The following SLC45A4 variants were observed in gnomAD, a reference collection of about 807,000 sequenced individuals.
SLC45A4 encodes solute carrier family 45 member 4.
Under a neutral mutation model 63.7 loss-of-function variants are expected in SLC45A4, and 32 were observed. That is an observed-to-expected ratio of 0.50 (90% CI 0.38 to 0.67). SLC45A4 has a LOEUF of 0.67. SLC45A4 is among the 30% of genes least tolerant of loss of function. The probability of loss-of-function intolerance (pLI) is 0.00; values close to 1 mark genes in which losing one functional copy is unlikely to be tolerated. For synonymous variants in SLC45A4, 535 were observed against 510.0 expected, an observed-to-expected ratio of 1.05 and a Z score of -0.66; for missense variants, 1,027 against 1,157.7, an observed-to-expected ratio of 0.89 and a Z score of 1.64.
At chr8:141,243,588 T>G (rs1828018238) in intron 2 of SLC45A4, among the ~76,000 whole-genome samples, 2 of 152,120 alleles carry the variant, frequency 1.3e-5, no homozygotes, top group African/African-American at 4.8e-5. Context: ...AAGGCTGCAG[T>G]GAGCCGTAAT....
chr8:141,301,691 C>T (rs1194373645), intron 1 of SLC45A4, among the ~76,000 whole-genome samples: 1 of 133,576 alleles, frequency 7.5e-6, no homozygotes. Flanking sequence ...GCCATGATCT[C>T]ACCACTGGAC....
At chr8:141,282,970 C>T (rs534059297) in intron 1 of SLC45A4, among the ~76,000 whole-genome samples, 39 of 152,374 alleles carry the variant, frequency 2.6e-4, no homozygotes, top group African/African-American at 9.1e-4. Flanking sequence ...CGTGCACAGA[C>T]CTGCGGCAAA....
At chr8:141,300,233 A>G (rs894321655) in intron 1 of SLC45A4, among the ~76,000 whole-genome samples, 1 of 152,174 alleles carries the variant, frequency 6.6e-6, no homozygotes, top group Admixed American at 6.6e-5. Flanking sequence ...TCCTCCAACA[A>G]AGCTGGGAGA....
At position 141,208,181 on chromosome 8, in the gene SLC45A4, T is replaced by C. The variant is rs1825621222; in HGVS notation, c.*3391A>G. 6.6e-6 allele frequency: 1 copy of C among 152,240 alleles called. No individual in the cohort carries two copies. The highest frequency in any genetic ancestry group is 6.5e-5 in the Admixed American group (1 of 15,296). 9.4% of individuals were successfully genotyped at this position (152,240 alleles called of 1,614,324 possible). A position where few individuals can be genotyped will look rare whatever the true frequency, so the allele number is the denominator to read the frequency against. On this transcript the variant is annotated 3_prime_UTR_variant, in exon 9 of 9. Transcript: ENST00000517878. Reference sequence around the variant, plus strand: ...GGTTAATGTCTAGTGTGGACAGCAATATTTGGTGTTTTAACAAACCTGGTC... The same window carrying C: ...GGTTAATGTCTAGTGTGGACAGCAACATTTGGTGTTTTAACAAACCTGGTC...
intron 8 of SLC45A4, 55 bp downstream of exon 8, chr8:141,212,142 G>GCCCCCCCCCCCCC: frequency 4.1e-6 from 2 of 491,698 alleles, no homozygotes; most frequent in South Asian, 8.1e-5. Context: ...CCCGCCGCCC[G>GCCCCCCCCCCCCC]CCCGCCCGCC....
chr8:141,227,140 C>G lies in SLC45A4; in HGVS notation c.242-5375G>C, dbSNP rs1384340620. Among the ~76,000 whole-genome samples, 1 of 152,146 alleles carries G rather than the reference C, an allele frequency of 6.6e-6. No homozygotes were observed. Among genetic ancestry groups the G allele is most frequent in the Non-Finnish European group, 1.5e-5 (1 of 68,018 alleles). On this transcript the variant is annotated intron_variant, in intron 2 of 8. Coordinates refer to ENST00000517878, the MANE Select transcript of SLC45A4 (RefSeq NM_001286646.2). This position sits in a 1 kb window ranked among gnomAD's most constrained non-coding sequence, Gnocchi z 4.4. ...CCCAGTAAATAAGTTTTGTTTTTTC[C>G]CAGGGAAAAGTTGAACAACAATGGT...
chr8:141,215,899 A>G lies in SLC45A4; in HGVS notation c.1801T>C (p.Phe601Leu), dbSNP rs1337010935. Residue 601 changes from phenylalanine (F) to leucine (L), a missense_variant, in exon 7 of 9, where the codon TTC (phenylalanine) becomes CTC (leucine). Coordinates refer to ENST00000517878, the MANE Select transcript of SLC45A4 (RefSeq NM_001286646.2). This position sits in a 1 kb window ranked among gnomAD's most constrained non-coding sequence, Gnocchi z 4.3. ...RVIYVLGTLG[F>L]SVGTAVMAMF... ...GCCATCACGGCTGTGCCGACAGAGAAGCCCAGCGTCCCCAGCACGTAGATC... is the reference window on the plus strand; with the variant it reads ...GCCATCACGGCTGTGCCGACAGAGAGGCCCAGCGTCCCCAGCACGTAGATC... 1 of 1,614,156 alleles carries G rather than the reference A, an allele frequency of 6.2e-7. No homozygotes were observed. Among genetic ancestry groups the G allele is most frequent in the South Asian group, 1.1e-5 (1 of 91,088 alleles).
rs2154613929 is a variant in SLC45A4 at position 141,212,206 on chromosome 8, T to G, written c.2292A>C (p.Thr764=). The G allele has an allele frequency of 1.6e-6, 2 of 1,284,506 alleles. No individual in the cohort carries two copies. The highest frequency in any genetic ancestry group is 8.9e-5 in the East Asian group (2 of 22,430). The allele number at this position is 1,284,506 out of a possible 1,614,324, so 79.6% of individuals were successfully genotyped here. A position where few individuals can be genotyped will look rare whatever the true frequency, so the allele number is the denominator to read the frequency against. ...RKEGLQGPVE[T]ESVTPAGIDV... is the part of the protein sequence containing the mutation. ...GGAGTGCGGCTCAGACCACGGACTC[T>G]GTCTCCACCGGTCCCTGCAGGCCCT... The change falls in exon 8 of 9, where the codon ACA becomes ACC. Residue 764 remains threonine (T), a synonymous_variant. Coordinates refer to ENST00000517878, the MANE Select transcript of SLC45A4 (RefSeq NM_001286646.2).
chr8:141,290,923 A>C (rs2154615283), intron 1 of SLC45A4, among the ~76,000 whole-genome samples: 1 of 152,334 alleles, frequency 6.6e-6, no homozygotes, highest in East Asian at 1.9e-4. Context: ...ATCTCAGCTC[A>C]CTGTAACCTC....
chr8:141,276,066 C>T (rs1196078925), intron 1 of SLC45A4, among the ~76,000 whole-genome samples: 3 of 152,026 alleles, frequency 2.0e-5, no homozygotes, highest in Non-Finnish European at 1.5e-5. Flanking sequence ...GTATATGGCA[C>T]CATACCTAGC....
At chr8:141,287,631 C>A (rs1830197598) in intron 1 of SLC45A4, among the ~76,000 whole-genome samples, 1 of 152,246 alleles carries the variant, frequency 6.6e-6, no homozygotes, top group African/African-American at 2.4e-5. Context: ...TGTGCGGCAT[C>A]TTTTCAGTCT....
At chr8:141,250,806 C>T (rs980208579) in intron 2 of SLC45A4, among the ~76,000 whole-genome samples, 1 of 152,148 alleles carries the variant, frequency 6.6e-6, no homozygotes, top group Non-Finnish European at 1.5e-5. Context: ...GACATACCCC[C>T]GTTGCAAGTT....
At chr8:141,275,445 A>G (rs577944538) in intron 1 of SLC45A4, among the ~76,000 whole-genome samples, 12 of 152,176 alleles carry the variant, frequency 7.9e-5, no homozygotes, top group Non-Finnish European at 1.8e-4. Context: ...AAACAAAGCC[A>G]CAGGAAGCCA....
intron 2 of SLC45A4, among the ~76,000 whole-genome samples, chr8:141,241,213 T>G (rs1334220996): frequency 3.9e-5 from 6 of 152,250 alleles, no homozygotes; most frequent in African/African-American, 1.4e-4. Context: ...CGGTGAGCAG[T>G]GGCTCTGCGG....
chr8:141,270,248 A>AG (rs1230019636), intron 1 of SLC45A4, among the ~76,000 whole-genome samples: 3 of 151,814 alleles, frequency 2.0e-5, no homozygotes, highest in Non-Finnish European at 4.4e-5. Flanking sequence ...AAAGAAAACC[A>AG]GGGGGCGGTG....
At position 141,239,295 on chromosome 8, in the gene SLC45A4, T is replaced by A. The variant is rs138773582; in HGVS notation, c.241+14694A>T. On this transcript the variant is annotated intron_variant, in intron 2 of 8. Transcript: ENST00000517878. ...CTATCCACAGACATCCCTGGGTCAG[T>A]GGGTGTTTTCAGACAAAACAAAATA... is the stretch of plus-strand genomic sequence containing the variant. Among the ~76,000 whole-genome samples, 10 of 152,300 alleles carry A rather than the reference T, an allele frequency of 6.6e-5. No individual in the cohort carries two copies. In the East Asian group the frequency reaches 1.7e-3, roughly 26 times the overall value.
intron 1 of SLC45A4, among the ~76,000 whole-genome samples, chr8:141,281,297 C>G (rs1019780014): frequency 6.6e-6 from 1 of 152,194 alleles, no homozygotes; most frequent in Non-Finnish European, 1.5e-5. Flanking sequence ...TGAGATCACG[C>G]CACCGTACTC....
At position 141,217,993 on chromosome 8, in the gene SLC45A4, C is replaced by T. The variant is rs779321169; in HGVS notation, c.1629+18G>A. ...GTGGGCAGAGAGAGCGGCCCCGCTC[C>T]GGTGGCCGAGCACTCACCTTGGGGT... On this transcript the variant is annotated intron_variant, in intron 5 of 8. Transcript: ENST00000517878. The T allele has an allele frequency of 6.0e-5, 15 of 250,300 alleles. No individual in the cohort carries two copies. The highest frequency in any genetic ancestry group is 2.6e-4 in the African/African-American group (1 of 3,876). The allele number at this position is 250,300 out of a possible 1,614,324, so 15.5% of individuals were successfully genotyped here.
At chr8:141,225,268 G>A (rs1192440712) in intron 2 of SLC45A4, 1 of 152,186 alleles carries the variant, frequency 6.6e-6, no homozygotes, top group African/African-American at 2.4e-5. Context: ...ATTCCTCTGA[G>A]AGTGTTCATG....
Sources: allele counts gnomAD v4.1 joint callset (sites outside exome capture counted in the v4.1 genomes callset), GRCh38; gene constraint gnomAD v4.1.1; non-coding constraint Gnocchi (gnomAD v3.1); transcripts MANE v1.5; gene names NCBI Gene and HGNC (gene_info 2026-07-23, HGNC 2026-07-21).